Variants in TEX101 observed in about 807,000 individuals in gnomAD.
The protein encoded by TEX101 is testis-expressed protein 101.
TEX101 carries 10 observed loss-of-function variants against 18.1 expected under a neutral mutation model. That is an observed-to-expected ratio of 0.55 (90% CI 0.34 to 0.94). The LOEUF is 0.94. TEX101 is among the 40% of genes least tolerant of loss of function. The pLI is 0.02. For missense variants in TEX101, 259 were observed against 298.9 expected (o/e 0.87, Z 0.98); for synonymous variants, 94 against 114.8 (o/e 0.82, Z 1.16).
chr19:43,418,219 G>A lies in TEX101; in HGVS notation c.572G>A (p.Cys191Tyr). The A allele has an allele frequency of 1.2e-6, 2 of 1,614,180 alleles. No individual in the cohort carries two copies. Among genetic ancestry groups the A allele is most frequent in the Non-Finnish European group, 1.7e-6 (2 of 1,180,018 alleles). The change falls in exon 6 of 6, where the codon TGC becomes TAC. Residue 191 changes from cysteine to tyrosine, a missense_variant. Physicochemically the swap from Cys to Tyr is radical, Grantham distance 194. Coordinates refer to ENST00000598265, the MANE Select transcript of TEX101 (RefSeq NM_001130011.3). The part of the protein sequence containing the change: ...EVKGCTAMIG[C>Y]RLMSGILAVG... Reference sequence around the variant, plus strand: ...AAAGGCTGTACAGCCATGATTGGCTGCAGGCTGATGTCTGGAATCTTAGCA... The same window carrying A: ...AAAGGCTGTACAGCCATGATTGGCTACAGGCTGATGTCTGGAATCTTAGCA...
chr19:43,408,034 C>G (rs1424111964), intron 3 of TEX101, among the ~76,000 whole-genome samples: 1 of 152,230 alleles, frequency 6.6e-6, no homozygotes, highest in African/African-American at 2.4e-5. Context: ...AGCGTGTGTG[C>G]AGAGCCATCA....
intron 1 of TEX101, among the ~76,000 whole-genome samples, chr19:43,415,579 T>C (rs1177512366): frequency 6.6e-6 from 1 of 151,890 alleles, no homozygotes; most frequent in South Asian, 2.1e-4. Flanking sequence ...CTGACCAACA[T>C]GGTGAAACGT....
At chr19:43,410,012 G>T (rs1259215518), upstream of TEX101, among the ~76,000 whole-genome samples, 2 of 151,974 alleles carry the variant, frequency 1.3e-5, no homozygotes, top group African/African-American at 2.4e-5. Flanking sequence ...ACTCCAGCCT[G>T]GACAAGATTG....
intron 1 of TEX101, among the ~76,000 whole-genome samples, chr19:43,401,790 G>A (rs1299928743): frequency 1.3e-5 from 2 of 151,872 alleles, no homozygotes; most frequent in East Asian, 3.9e-4. Flanking sequence ...GAGGCGGTAA[G>A]CTGGAGATTG....
upstream of TEX101, among the ~76,000 whole-genome samples, chr19:43,411,826 T>A (rs1174283562): frequency 6.6e-6 from 1 of 152,054 alleles, no homozygotes; most frequent in African/African-American, 2.4e-5. Flanking sequence ...AATTTTTGTA[T>A]TTTTAGCAGA....
chr19:43,412,216 C>T (rs537867599), upstream of TEX101, among the ~76,000 whole-genome samples: 1 of 152,174 alleles, frequency 6.6e-6, no homozygotes, highest in African/African-American at 2.4e-5. Flanking sequence ...TCTGGGGAGG[C>T]CTCAGAGAGC....
chr19:43,408,232 G>A (rs565817194), intron 3 of TEX101, among the ~76,000 whole-genome samples: 397 of 152,272 alleles, frequency 2.6e-3, no homozygotes, highest in African/African-American at 8.6e-3. Context: ...GTGGAGAGGC[G>A]GTGAGGGCCG....
At chr19:43,406,202 C>T (rs1476255615) in intron 2 of TEX101, 2 of 379,708 alleles carry the variant, frequency 5.3e-6, no homozygotes, top group Non-Finnish European at 4.7e-6. Context: ...TGGGTATTGA[C>T]GACTTGTGAT....
chr19:43,416,188 G>C lies in TEX101; in HGVS notation c.154G>C (p.Glu52Gln). The stretch of plus-strand genomic sequence containing the variant: ...GTTTAACTGGACCACAGAGGAAGTG[G>C]AGACTTGTGACAAAGGGGCACTTTG... ...NMFNWTTEEV[E>Q]TCDKGALCQE... is the part of the protein sequence containing the mutation. Residue 52 changes from glutamate (E) to glutamine (Q), a missense_variant, in exon 3 of 6, where the codon GAG (glutamate) becomes CAG (glutamine). Physicochemically the swap from Glu to Gln is conservative, Grantham distance 29 (BLOSUM62 2). Transcript: ENST00000598265. 1.9e-6 allele frequency: 3 copies of C among 1,613,888 alleles called. No individual in the cohort carries two copies. The highest frequency in any genetic ancestry group is 2.5e-6 in the Non-Finnish European group (3 of 1,179,936).
At chr19:43,402,947 TG>T (rs955524825) in intron 2 of TEX101, 15 of 152,152 alleles carry the variant, frequency 9.9e-5, no homozygotes, top group African/African-American at 3.1e-4. Flanking sequence ...TGAAAGCTTT[TG>T]AGAAAATCTT....
chr19:43,408,443 G>A (rs1272133802), intron 3 of TEX101, among the ~76,000 whole-genome samples: 2 of 152,176 alleles, frequency 1.3e-5, no homozygotes, highest in African/African-American at 4.8e-5. Flanking sequence ...GCCGGTAGGC[G>A]GGGAGGAGAA....
chr19:43,400,820 A>G (rs1305181591), upstream of TEX101, among the ~76,000 whole-genome samples: 1 of 152,044 alleles, frequency 6.6e-6, no homozygotes, highest in Non-Finnish European at 1.5e-5. Context: ...TTTATGTTCC[A>G]TCTCAGGCCC....
At chr19:43,417,426 G>C (rs1019389125) in intron 4 of TEX101, among the ~76,000 whole-genome samples, 6 of 152,160 alleles carry the variant, frequency 3.9e-5, no homozygotes, top group African/African-American at 1.4e-4. Context: ...CCTGACCTTT[G>C]TCCTTGCTGT....
chr19:43,406,583 G>T (rs893714718), intron 3 of TEX101: 59 of 624,860 alleles, frequency 9.4e-5, no homozygotes, highest in Admixed American at 2.5e-4. Flanking sequence ...CTAACCTGGT[G>T]GGGGAGTCGG....
Position 43,416,471 on chromosome 19 carries a change from A to C in TEX101, c.307A>C (p.Thr103Pro). 6.2e-7 allele frequency: 1 copy of C among 1,614,144 alleles called. No individual in the cohort carries two copies. Among genetic ancestry groups the C allele is most frequent in the Non-Finnish European group, 8.5e-7 (1 of 1,180,028 alleles). Residue 103 changes from threonine (T) to proline (P), a missense_variant, in exon 4 of 6, where the codon ACC (threonine) becomes CCC (proline). Coordinates refer to ENST00000598265, the MANE Select transcript of TEX101 (RefSeq NM_001130011.3). The part of the protein sequence containing the change: ...QHSSPPGLIV[T>P]SYSNYCEDSF... Reference sequence around the variant, plus strand: ...CTCTTCACCTCCCGGCCTGATCGTGACCTCCTACAGTAACTACTGTGAGGA... The same window carrying C: ...CTCTTCACCTCCCGGCCTGATCGTGCCCTCCTACAGTAACTACTGTGAGGA...
chr19:43,392,262 C>G, the TEX101 span, among the ~76,000 whole-genome samples: 1 of 151,640 alleles, frequency 6.6e-6, no homozygotes, highest in Non-Finnish European at 1.5e-5. Flanking sequence ...AGAGCCAGAG[C>G]CAGAGAAGTA....
In TEX101 at chr19:43,416,159, A is replaced by C; in HGVS notation, c.125A>C (p.Asn42Thr). 6.2e-7 allele frequency: 1 copy of C among 1,614,074 alleles called. No homozygotes were observed. Among genetic ancestry groups the C allele is most frequent in the South Asian group, 1.1e-5 (1 of 91,072 alleles). Residue 42 changes from asparagine to threonine, a missense_variant, in exon 3 of 6, where the codon AAT becomes ACT. Physicochemically the swap from Asn to Thr is moderately conservative, Grantham distance 65. Transcript: ENST00000598265. The stretch of plus-strand genomic sequence containing the variant: ...ATGACTGTGGAAGCAGATCCAGCCA[A>C]TATGTTTAACTGGACCACAGAGGAA... The part of the protein sequence containing the change: ...LSMTVEADPA[N>T]MFNWTTEEVE...
In TEX101 at chr19:43,417,910, A is replaced by G; in HGVS notation, c.424A>G (p.Thr142Ala). The G allele has an allele frequency of 6.2e-7, 1 of 1,614,062 alleles. No homozygotes were observed. Among genetic ancestry groups the G allele is most frequent in the Non-Finnish European group, 8.5e-7 (1 of 1,180,002 alleles). ...TGTGTCAACAACCCTCCATTGTCCAACCTGTGTGGCTTTGGGGACCTGTTT... is the reference window on the plus strand; with the variant it reads ...TGTGTCAACAACCCTCCATTGTCCAGCCTGTGTGGCTTTGGGGACCTGTTT... ...STVSTTLHCP[T>A]CVALGTCFSA... The change falls in exon 5 of 6, where the codon ACC (threonine) becomes GCC (alanine). Residue 142 changes from threonine to alanine, a missense_variant. Transcript: ENST00000598265.
the TEX101 span, among the ~76,000 whole-genome samples, chr19:43,390,042 T>C: frequency 1.3e-5 from 2 of 152,352 alleles, no homozygotes. Context: ...CCCAAGTCCC[T>C]GGGATGTGCT....
Sources: gnomAD v4.1 joint callset for allele counts (sites outside exome capture counted in the v4.1 genomes callset) on GRCh38, gnomAD v4.1.1 for gene constraint, MANE v1.5 for transcripts, NCBI Gene and HGNC (gene_info 2026-07-23, HGNC 2026-07-21) for gene names.